Variants in RIC8B observed in about 807,000 individuals in gnomAD.
RIC8B encodes RIC8 guanine nucleotide exchange factor B, also known as chaperone Ric-8B.
RIC8B carries 16 observed loss-of-function variants against 57.5 expected under a neutral mutation model. The observed-to-expected ratio is 0.28, with a 90% CI of 0.19 to 0.42. The LOEUF (loss-of-function observed/expected upper bound fraction) is 0.42, where lower values mean the gene tolerates loss of function less well. RIC8B is among the 10% of genes least tolerant of loss of function. The probability of loss-of-function intolerance (pLI) is 1.00; values close to 1 mark genes in which losing one functional copy is unlikely to be tolerated. For synonymous variants in RIC8B, 216 were observed against 250.8 expected (o/e 0.86, Z 1.31); for missense variants, 481 against 677.0 (o/e 0.71, Z 3.21).
At chr12:106,778,703 A>G (rs2043603491) in intron 1 of RIC8B, among the ~76,000 whole-genome samples, 2 of 152,168 alleles carry the variant, frequency 1.3e-5, no homozygotes, top group African/African-American at 4.8e-5. Flanking sequence ...ATCTTTTTGC[A>G]GGGCTATGTT....
chr12:106,843,373 G>C (rs971832072), intron 5 of RIC8B, among the ~76,000 whole-genome samples: 1 of 152,068 alleles, frequency 6.6e-6, no homozygotes, highest in Non-Finnish European at 1.5e-5. Flanking sequence ...GAAAATGTAG[G>C]AACATCCAGG....
Position 106,824,926 on chromosome 12 carries a change from G to T in RIC8B, c.742-800G>T, listed in dbSNP as rs533736962. Among the ~76,000 whole-genome samples, 81 of 151,968 alleles carry T rather than the reference G, an allele frequency of 5.3e-4. 1 individual carries two copies. Among genetic ancestry groups the T allele is most frequent in the African/African-American group, 1.7e-3 (72 of 41,462 alleles). ...CCATCTCAAAAAAAAAAAGAAAAAA[G>T]TTTTATAATTTTTTAGTAGTTTTTG... On this transcript the variant is annotated intron_variant, in intron 3 of 9. Coordinates refer to ENST00000392837, the MANE Select transcript of RIC8B (RefSeq NM_001330145.2).
intron 9 of RIC8B, chr12:106,871,581 A>G (rs1171034030): frequency 6.6e-6 from 1 of 151,780 alleles, no homozygotes; most frequent in African/African-American, 2.4e-5. Context: ...AATCAAGTAT[A>G]TACTAATCAG....
intron 2 of RIC8B, among the ~76,000 whole-genome samples, chr12:106,791,418 A>G (rs1229140493): frequency 1.3e-5 from 2 of 152,166 alleles, no homozygotes; most frequent in African/African-American, 4.8e-5. Context: ...CGAAGGACTA[A>G]TATTTCTTTT....
intron 3 of RIC8B, among the ~76,000 whole-genome samples, chr12:106,824,823 C>A (rs991979825): frequency 3.9e-5 from 6 of 151,912 alleles, no homozygotes; most frequent in Non-Finnish European, 8.8e-5. Context: ...AGGAGAGTCG[C>A]CTGAACCTGG....
rs1342888888 is a variant in RIC8B at position 106,887,496 on chromosome 12, G to A, written c.*1481G>A. 1 of 152,158 alleles carries A rather than the reference G, an allele frequency of 6.6e-6. No individual in the cohort carries two copies. The highest frequency in any genetic ancestry group is 1.5e-5 in the Non-Finnish European group (1 of 68,024). The allele number at this position is 152,158 out of a possible 1,614,324, so 9.4% of individuals were successfully genotyped here. A position where few individuals can be genotyped will look rare whatever the true frequency, so the allele number is the denominator to read the frequency against. ...AAAAAATCAGGAATTACGTCTTAAAGGCCTTTCAGCTGCCAGAGGAGATGT... is the reference window on the plus strand; with the variant it reads ...AAAAAATCAGGAATTACGTCTTAAAAGCCTTTCAGCTGCCAGAGGAGATGT... On this transcript the variant is annotated 3_prime_UTR_variant, in exon 10 of 10. Transcript: ENST00000392837.
chr12:106,833,951 G>A (rs1004912131), intron 4 of RIC8B, among the ~76,000 whole-genome samples: 7 of 152,030 alleles, frequency 4.6e-5, no homozygotes, highest in Admixed American at 2.0e-4. Flanking sequence ...TCTTGCTGCC[G>A]CTCTTGCTGT....
intron 8 of RIC8B, among the ~76,000 whole-genome samples, chr12:106,870,077 C>CA (rs1011613400): frequency 0.016 from 1,717 of 109,990 alleles, 24 homozygotes; most frequent in African/African-American, 0.044. Context: ...TTCCTGTCCT[C>CA]AAAAAAAAAA....
At chr12:106,799,329 C>T (rs1416542824) in intron 2 of RIC8B, among the ~76,000 whole-genome samples, 5 of 152,280 alleles carry the variant, frequency 3.3e-5, no homozygotes, top group Middle Eastern at 3.4e-3. Context: ...GTGCATCAAC[C>T]TCCTACTCTA....
intron 2 of RIC8B, among the ~76,000 whole-genome samples, chr12:106,806,580 C>A (rs1024083457): frequency 6.6e-6 from 1 of 152,066 alleles, no homozygotes; most frequent in Non-Finnish European, 1.5e-5. Context: ...GCCTGTAATC[C>A]CAGCACTTTG....
chr12:106,787,289 C>G (rs1456548384), intron 2 of RIC8B, among the ~76,000 whole-genome samples: 1 of 152,190 alleles, frequency 6.6e-6, no homozygotes, highest in Non-Finnish European at 1.5e-5. Context: ...TCTGTGAAGT[C>G]TCCAGGGGTT....
chr12:106,774,901 T>G (rs1433961927), intron 1 of RIC8B, 72 bp downstream of exon 1: 3 of 1,105,902 alleles, frequency 2.7e-6, no homozygotes, highest in African/African-American at 1.6e-5. Flanking sequence ...CATCGCATCC[T>G]TCCCCACCCC....
At chr12:106,782,467 T>G (rs572098824) in intron 1 of RIC8B, among the ~76,000 whole-genome samples, 1 of 152,348 alleles carries the variant, frequency 6.6e-6, no homozygotes, top group African/African-American at 2.4e-5. Flanking sequence ...CTTGCTTTCC[T>G]TTAATCTGGC....
chr12:106,851,028 A>G (rs1453101349), intron 6 of RIC8B, among the ~76,000 whole-genome samples: 1 of 152,192 alleles, frequency 6.6e-6, no homozygotes, highest in Non-Finnish European at 1.5e-5. Flanking sequence ...TACTCAACCT[A>G]TACTGAAAAT....
At chr12:106,864,916 T>C (rs963168256) in intron 8 of RIC8B, among the ~76,000 whole-genome samples, 9 of 152,154 alleles carry the variant, frequency 5.9e-5, no homozygotes, top group African/African-American at 2.2e-4. Flanking sequence ...ATACAATATT[T>C]CTCCTTTTGT....
chr12:106,807,564 C>T (rs1381467809), intron 2 of RIC8B, among the ~76,000 whole-genome samples: 1 of 152,182 alleles, frequency 6.6e-6, no homozygotes, highest in African/African-American at 2.4e-5. Flanking sequence ...TGTCTATACA[C>T]TTTCATTCTA....
intron 8 of RIC8B, among the ~76,000 whole-genome samples, chr12:106,862,688 T>C (rs1297664306): frequency 3.3e-5 from 5 of 152,130 alleles, no homozygotes; most frequent in Non-Finnish European, 5.9e-5. Flanking sequence ...GCAGAGAACT[T>C]ACTCTTCATC....
chr12:106,846,655 G>A (rs552405277), intron 6 of RIC8B, among the ~76,000 whole-genome samples: 22 of 147,992 alleles, frequency 1.5e-4, no homozygotes, highest in African/African-American at 5.0e-4. Flanking sequence ...CTGCATTTTC[G>A]CTTTTTTCCA....
intron 2 of RIC8B, among the ~76,000 whole-genome samples, chr12:106,793,308 T>G (rs1328080948): frequency 6.6e-6 from 1 of 152,182 alleles, no homozygotes; most frequent in Non-Finnish European, 1.5e-5. Flanking sequence ...AGAAATTTTG[T>G]CCAGGGGAAG....
Sources: gnomAD v4.1 joint callset for allele counts (sites outside exome capture counted in the v4.1 genomes callset) on GRCh38, gnomAD v4.1.1 for gene constraint, MANE v1.5 for transcripts, NCBI Gene and HGNC (gene_info 2026-07-23, HGNC 2026-07-21) for gene names.